Variants in PRDM16 observed in about 807,000 individuals in gnomAD.
PRDM16 encodes histone-lysine N-methyltransferase PRDM16.
Under a neutral mutation model 110.6 loss-of-function variants are expected in PRDM16, and 23 were observed. The observed-to-expected ratio is 0.21, with a 90% CI of 0.15 to 0.29. The LOEUF (loss-of-function observed/expected upper bound fraction) is 0.29. PRDM16 is among the 10% of genes least tolerant of loss of function. The pLI is 1.00. For missense variants in PRDM16, 1,615 were observed against 1,794.3 expected, an observed-to-expected ratio of 0.90 and a Z score of 1.81; for synonymous variants, 799 against 781.8, an observed-to-expected ratio of 1.02 and a Z score of -0.37.
chr1:3,112,647 G>T (rs1642823801), intron 1 of PRDM16, among the ~76,000 whole-genome samples: 1 of 152,236 alleles, frequency 6.6e-6, no homozygotes, highest in South Asian at 2.1e-4. Context: ...CATCGCTGGT[G>T]CCCTGGCCGG....
chr1:3,196,249 C>G (rs575057814), intron 2 of PRDM16, among the ~76,000 whole-genome samples: 1 of 152,328 alleles, frequency 6.6e-6, no homozygotes, highest in African/African-American at 2.4e-5. Context: ...CCTTGCAGGC[C>G]GATTGCCTGG....
chr1:3,402,741 TG>T (rs760884624), intron 5 of PRDM16, 49 bp from the exon 6 acceptor site: 1 of 1,552,846 alleles, frequency 6.4e-7, no homozygotes, highest in Non-Finnish European at 8.8e-7. Flanking sequence ...CTGATAGCCC[TG>T]GGCTGGGTCT....
intron 3 of PRDM16, among the ~76,000 whole-genome samples, chr1:3,322,004 G>A (rs1485724765): frequency 4.6e-5 from 7 of 150,794 alleles, no homozygotes; most frequent in South Asian, 2.1e-4. Flanking sequence ...GTGTGAGTGC[G>A]TACGTTTGTG....
chr1:3,203,734 G>T (rs940643276), intron 2 of PRDM16, among the ~76,000 whole-genome samples: 3 of 152,164 alleles, frequency 2.0e-5, no homozygotes, highest in African/African-American at 7.2e-5. Context: ...AGTCATATTG[G>T]ATTCGGACCA....
intron 3 of PRDM16, among the ~76,000 whole-genome samples, chr1:3,365,735 C>A: frequency 6.6e-6 from 1 of 152,226 alleles, no homozygotes; most frequent in East Asian, 1.9e-4. Flanking sequence ...GCCGCGGCCT[C>A]GTTTCCATTC....
At position 3,361,932 on chromosome 1, in the gene PRDM16, C is replaced by T. The variant is rs543822364; in HGVS notation, c.439-23220C>T. Among the ~76,000 whole-genome samples, 61 of 139,310 alleles carry T rather than the reference C, an allele frequency of 4.4e-4. 1 individual carries two copies. Among genetic ancestry groups the T allele is most frequent in the African/African-American group, 1.5e-3 (53 of 35,584 alleles). The allele number at this position is 139,310 out of a possible 152,430, so 91.4% of individuals were successfully genotyped here. ...AGGAGGGCAGGTGGTGAGAAGTGAC[C>T]GCGGCCCAGGAGGGCAGGTGGTGAG... On this transcript the variant is annotated intron_variant, in intron 3 of 16. Coordinates refer to ENST00000270722, the MANE Select transcript of PRDM16 (RefSeq NM_022114.4).
rs1476398037 is a variant in PRDM16 at position 3,069,626 on chromosome 1, GC to G, written c.37+332del. Among the ~76,000 whole-genome samples, 1 of 150,846 alleles carries G rather than the reference GC, an allele frequency of 6.6e-6. No homozygotes were observed. Among genetic ancestry groups the G allele is most frequent in the African/African-American group, 2.4e-5 (1 of 41,254 alleles). On this transcript the variant is annotated intron_variant, in intron 1 of 16. Coordinates refer to ENST00000270722, the MANE Select transcript of PRDM16 (RefSeq NM_022114.4). The surrounding 1 kb of genome is among the most constrained non-coding windows in gnomAD (Gnocchi z 6.1). The stretch of plus-strand genomic sequence containing the variant: ...CCGGGGAGGGGGGCGGAGGGGGAGG[GC>G]CGGGGGTGGAGGGGAGCGAAAAGTG...
intron 1 of PRDM16, among the ~76,000 whole-genome samples, chr1:3,177,362 T>C (rs1449218295): frequency 6.6e-6 from 1 of 152,242 alleles, no homozygotes; most frequent in Non-Finnish European, 1.5e-5. Context: ...TTTGTCATTG[T>C]AGGGAGAACA....
chr1:3,357,566 C>A (rs1347732021), intron 3 of PRDM16, among the ~76,000 whole-genome samples: 1 of 139,264 alleles, frequency 7.2e-6, no homozygotes, highest in African/African-American at 3.4e-5. Context: ...GTTCCCCCCA[C>A]GGGCCCCCAG....
At chr1:3,388,366 C>T (rs553365747) in intron 4 of PRDM16, among the ~76,000 whole-genome samples, 1 of 152,244 alleles carries the variant, frequency 6.6e-6, no homozygotes, top group South Asian at 2.1e-4. Context: ...AGCACAGACA[C>T]AGAAGGGAAG....
chr1:3,313,252 C>T (rs949035305), intron 3 of PRDM16, among the ~76,000 whole-genome samples: 3 of 152,200 alleles, frequency 2.0e-5, no homozygotes, highest in East Asian at 1.9e-4. Context: ...AATGTGACCG[C>T]GCTGTCTATG....
At chr1:3,254,408 A>C (rs1640003271) in intron 3 of PRDM16, among the ~76,000 whole-genome samples, 1 of 152,016 alleles carries the variant, frequency 6.6e-6, no homozygotes, top group African/African-American at 2.4e-5. Context: ...TATCTAGAAA[A>C]CCCCATTGTC....
At chr1:3,231,960 C>T (rs909891797) in intron 2 of PRDM16, among the ~76,000 whole-genome samples, 43 of 152,174 alleles carry the variant, frequency 2.8e-4, no homozygotes, top group African/African-American at 1.0e-3. Context: ...CAGATCAGCC[C>T]GGAATTCCTC....
chr1:3,354,669 C>T (rs756215387), intron 3 of PRDM16, among the ~76,000 whole-genome samples: 2 of 152,078 alleles, frequency 1.3e-5, no homozygotes, highest in Non-Finnish European at 2.9e-5. Context: ...GTCTGCAGAG[C>T]GTTCCATTTC....
rs183310001 is a variant in PRDM16 at position 3,394,723 on chromosome 1, G to A, written c.574-1768G>A. ...CTGCTACAATGCCACTCACGGCACC[G>A]CTCAGAGGGTCACCCGGGCTTTGTC... On this transcript the variant is annotated intron_variant, in intron 4 of 16. Transcript: ENST00000270722. 6.1e-4 allele frequency among the ~76,000 whole-genome samples: 93 copies of A among 152,326 alleles called. No homozygotes were observed. In the East Asian group the frequency reaches 0.016, roughly 27 times the overall value.
intron 1 of PRDM16, among the ~76,000 whole-genome samples, chr1:3,184,042 G>A (rs1644240708): frequency 6.6e-6 from 1 of 152,142 alleles, no homozygotes; most frequent in Non-Finnish European, 1.5e-5. Context: ...AGCGGGGCGG[G>A]GGTTATGGGG....
intron 1 of PRDM16, among the ~76,000 whole-genome samples, chr1:3,150,676 C>A (rs1294369082): frequency 6.6e-6 from 1 of 152,180 alleles, no homozygotes; most frequent in African/African-American, 2.4e-5. Context: ...ATCTCTGGTG[C>A]ACACCTGCCC....
intron 15 of PRDM16, 98 bp from the exon 16 acceptor site, chr1:3,431,868 C>T (rs753405993): frequency 3.1e-5 from 38 of 1,210,568 alleles, no homozygotes; most frequent in Non-Finnish European, 4.4e-5. Context: ...GATGCAGCGG[C>T]GTGCATGCAG....
At chr1:3,327,174 C>T (rs1641931544) in intron 3 of PRDM16, among the ~76,000 whole-genome samples, 1 of 152,232 alleles carries the variant, frequency 6.6e-6, no homozygotes, top group African/African-American at 2.4e-5. Flanking sequence ...TGTCACTTGG[C>T]AGGGCACCCC....
Sources: allele counts gnomAD v4.1 joint callset (sites outside exome capture counted in the v4.1 genomes callset), GRCh38; gene constraint gnomAD v4.1.1; non-coding constraint Gnocchi (gnomAD v3.1); transcripts MANE v1.5; gene names NCBI Gene and HGNC (gene_info 2026-07-23, HGNC 2026-07-21).